TTN: variants seen among roughly 807,000 people sequenced by gnomAD.
TTN encodes the protein titin.
Under a neutral mutation model 3,223.0 loss-of-function variants are expected in TTN, and 1,525 were observed. The observed-to-expected ratio is 0.47, with a 90% CI of 0.45 to 0.49. The LOEUF (loss-of-function observed/expected upper bound fraction) is 0.49, where lower values mean the gene tolerates loss of function less well. Among genes scored for constraint, TTN ranks in the 20% least tolerant of loss-of-function variants. TTN has a pLI of 0.00. For missense variants in TTN, 40,786 were observed against 43,424.0 expected (o/e 0.94, Z 5.40); for synonymous variants, 14,094 against 15,161.0 (o/e 0.93, Z 5.17).
rs1474865067 is a variant in TTN at position 178,782,797 on chromosome 2, G to A, written c.3100+9C>T. The A allele has an allele frequency of 6.2e-7, 1 of 1,612,366 alleles. No homozygotes were observed. ...TGTGCATTAGGACTGTGGGAGGGTG[G>A]CCACTAACCCTGCACAGCCAGATAG... is the stretch of plus-strand genomic sequence containing the variant. On this transcript the variant is annotated intron_variant, in intron 18 of 362. Transcript: ENST00000589042.
At position 178,739,815 on chromosome 2, in the gene TTN, A is replaced by C; in HGVS notation, c.13418T>G (p.Leu4473Arg). The change falls in exon 48 of 363, where the codon CTT becomes CGT. Residue 4473 changes from leucine to arginine, a missense_variant. By Grantham distance (102) the Leu-to-Arg change is moderately radical (BLOSUM62 -2). Transcript: ENST00000589042. ...DPQMANLKME[L>R]RDALCAIIYE... is the part of the protein sequence containing the mutation. ...TATAATAGCACACAAAGCATCCCTA[A>C]GTTCCATTTTCAGGTTAGCCATTTG... 1 of 1,613,858 alleles carries C rather than the reference A, an allele frequency of 6.2e-7. No individual in the cohort carries two copies. Among genetic ancestry groups the C allele is most frequent in the Non-Finnish European group, 8.5e-7 (1 of 1,179,818 alleles).
In TTN at chr2:178,651,262, T is replaced by C. The variant is rs372356060; in HGVS notation, c.39606A>G (p.Pro13202=). ...ATGTACCTTTTGCTGGTGGGACTTC[T>C]GGCTTTTTGGGAACAGCTACTTTCT... is the stretch of plus-strand genomic sequence containing the variant. ...PEKKVAVPKK[P]EVPPAKVPEV... The change falls in exon 208 of 363, where the codon CCA becomes CCG. Residue 13202 remains proline (P), a synonymous_variant. Coordinates refer to ENST00000589042, the MANE Select transcript of TTN (RefSeq NM_001267550.2). The C allele has an allele frequency of 7.3e-5, 118 of 1,613,160 alleles. No homozygotes were observed. Among genetic ancestry groups the C allele is most frequent in the Non-Finnish European group, 9.4e-5 (111 of 1,179,478 alleles).
At position 178,568,278 on chromosome 2, in the gene TTN, CTT is replaced by C. The variant is rs1706720091; in HGVS notation, c.77852_77853del (p.Lys25951SerfsTer13). 6.2e-7 allele frequency: 1 copy of C among 1,613,382 alleles called. No individual in the cohort carries two copies. Among genetic ancestry groups the C allele is most frequent in the South Asian group, 1.1e-5 (1 of 91,078 alleles). On this transcript the variant is annotated frameshift_variant, in exon 326 of 363. Transcript: ENST00000589042. LOFTEE classifies it high-confidence loss of function. ...TCTGTACCAGTTTTCAGTTTGGTCACTTTGAGTGTAGTTCTAGCAACAGTAGC... is the reference window on the plus strand; with the variant it reads ...TCTGTACCAGTTTTCAGTTTGGTCACTGAGTGTAGTTCTAGCAACAGTAGC... The part of the protein sequence containing the change: ...VSATVARTTL[K>X]VTKLKTGTEY...
At chr2:178,626,947 C>T (rs1347766992) in intron 240 of TTN, among the ~76,000 whole-genome samples, 1 of 151,690 alleles carries the variant, frequency 6.6e-6, no homozygotes, top group East Asian at 1.9e-4. Flanking sequence ...ATACAATCTA[C>T]CTCCACTATG....
chr2:178,636,382 G>C lies in TTN; in HGVS notation c.41329+16C>G, dbSNP rs1262293420. 3.2e-6 allele frequency: 5 copies of C among 1,587,142 alleles called. No individual in the cohort carries two copies. In the African/African-American group the frequency reaches 4.1e-5, roughly 13 times the overall value. On this transcript the variant is annotated intron_variant, in intron 225 of 362. Coordinates refer to ENST00000589042, the MANE Select transcript of TTN (RefSeq NM_001267550.2). This position sits in a 1 kb window ranked among gnomAD's most constrained non-coding sequence, Gnocchi z 4.3. ...TAAAGTTTAATATAGATTATGTTCA[G>C]AAGACTAGAAATTACCTTCTACAAC...
chr2:178,675,080 C>T lies in TTN; in HGVS notation c.34571G>A (p.Arg11524Gln), dbSNP rs201622536. The change falls in exon 150 of 363, where the codon CGA (arginine) becomes CAA (glutamine). Residue 11524 changes from arginine to glutamine, a missense_variant. Coordinates refer to ENST00000589042, the MANE Select transcript of TTN (RefSeq NM_001267550.2). ...PEVPKKVEEK[R>Q]IILPKEEEVL... ...TTCCTCTTCTTTAGGGAGAATGATTCGTTTTTCTTCCACCTTCTTAGGCAC... is the reference window on the plus strand; with the variant it reads ...TTCCTCTTCTTTAGGGAGAATGATTTGTTTTTCTTCCACCTTCTTAGGCAC... 9.0e-5 allele frequency: 140 copies of T among 1,558,620 alleles called. No homozygotes were observed. The African/African-American group carries it at 1.2e-3, about 13-fold the overall frequency.
At position 178,775,124 on chromosome 2, in the gene TTN, C is replaced by T. The variant is rs878854326; in HGVS notation, c.6587G>A (p.Cys2196Tyr). 5 of 1,613,896 alleles carry T rather than the reference C, an allele frequency of 3.1e-6. No individual in the cohort carries two copies. The Admixed American group carries it at 6.7e-5, about 22-fold the overall frequency. The stretch of plus-strand genomic sequence containing the variant: ...TTTGACAAATGGTTCTGAAGTTTCA[C>T]ATTCAAAGGTTGCCATAGTGTCTTT... ...KEKDTMATFECETSEPFVKVK... is the reference protein window; with the variant it reads ...KEKDTMATFEYETSEPFVKVK... The change falls in exon 29 of 363, where the codon TGT (cysteine) becomes TAT (tyrosine). Residue 2196 changes from cysteine (C) to tyrosine (Y), a missense_variant. Coordinates refer to ENST00000589042, the MANE Select transcript of TTN (RefSeq NM_001267550.2).
At chr2:178,786,619 A>G (rs906270343) in intron 13 of TTN, among the ~76,000 whole-genome samples, 2 of 152,218 alleles carry the variant, frequency 1.3e-5, no homozygotes, top group Non-Finnish European at 2.9e-5. Context: ...CAGTGACTAC[A>G]GAGTTATATG....
chr2:178,728,471 G>C (rs777417927), intron 66 of TTN, 29 bp downstream of exon 66: 1 of 1,590,676 alleles, frequency 6.3e-7, no homozygotes, highest in Non-Finnish European at 8.6e-7. Context: ...CTATAAATAA[G>C]GGAAGCTGAC....
Position 178,646,107 on chromosome 2 carries a change from TATATA to T in TTN, c.40298-82_40298-78del, listed in dbSNP as rs1560056156. The T allele has an allele frequency of 1.5e-3, 130 of 85,284 alleles. 1 individual carries two copies. The highest frequency in any genetic ancestry group is 6.2e-3 in the African/African-American group (118 of 19,008). 5.3% of individuals were successfully genotyped at this position (85,284 alleles called of 1,614,324 possible). On this transcript the variant is annotated intron_variant, in intron 216 of 362. Transcript: ENST00000589042. ...TATGTAGTATATTTAATAGAAATTA[TATATA>T]TATATATATATATATATATATATAT...
At position 178,608,375 on chromosome 2, in the gene TTN, C is replaced by A; in HGVS notation, c.52508G>T (p.Gly17503Val). Reference protein sequence around the residue: ...EPKDNGSPILGYWLEKREVNS... With the variant: ...EPKDNGSPILVYWLEKREVNS... Reference sequence around the variant, plus strand: ...AACTTCACGTTTTTCAAGCCAGTAACCCAAAATGGGGCTTCCATTATCTTT... The same window carrying A: ...AACTTCACGTTTTTCAAGCCAGTAAACCAAAATGGGGCTTCCATTATCTTT... Residue 17503 changes from glycine to valine, a missense_variant, in exon 275 of 363, where the codon GGT (glycine) becomes GTT (valine). Physicochemically the swap from Gly to Val is moderately radical, Grantham distance 109 (BLOSUM62 -3). Coordinates refer to ENST00000589042, the MANE Select transcript of TTN (RefSeq NM_001267550.2). 4 of 1,611,740 alleles carry A rather than the reference C, an allele frequency of 2.5e-6. No individual in the cohort carries two copies. Among genetic ancestry groups the A allele is most frequent in the Non-Finnish European group, 3.4e-6 (4 of 1,178,850 alleles).
Position 178,554,459 on chromosome 2 carries a change from C to T in TTN, c.88888G>A (p.Ala29630Thr), listed in dbSNP as rs552018102. Residue 29630 changes from alanine (A) to threonine (T), a missense_variant, in exon 332 of 363, where the codon GCA becomes ACA. Ala to Thr is a moderately conservative substitution (Grantham distance 58, BLOSUM62 0). Coordinates refer to ENST00000589042, the MANE Select transcript of TTN (RefSeq NM_001267550.2). The part of the protein sequence containing the change: ...LESDSVVAKN[A>T]FVTPGPPGIP... Reference sequence around the variant, plus strand: ...TAATGAAATCATGTCTCACCAAATGCGTTCTTGGCTACAACGGAATCAGAT... The same window carrying T: ...TAATGAAATCATGTCTCACCAAATGTGTTCTTGGCTACAACGGAATCAGAT... The T allele has an allele frequency of 6.8e-6, 11 of 1,612,578 alleles. No individual in the cohort carries two copies. The highest frequency in any genetic ancestry group is 1.7e-5 in the Admixed American group (1 of 59,822).
chr2:178,729,757 A>C lies in TTN; in HGVS notation c.18496T>G (p.Ser6166Ala). The change falls in exon 63 of 363, where the codon TCT becomes GCT. Residue 6166 changes from serine (S) to alanine (A), a missense_variant. Physicochemically the swap from Ser to Ala is moderately conservative, Grantham distance 99 (BLOSUM62 1). Coordinates refer to ENST00000589042, the MANE Select transcript of TTN (RefSeq NM_001267550.2). ...FIDGLATFQI[S>A]GARVENSGTY... ...CCACTATTTTCTACCCTGGCACCAG[A>C]AATCTGGAAAGTGGCTAAACCATCA... 6.2e-7 allele frequency: 1 copy of C among 1,613,770 alleles called. No homozygotes were observed. Among genetic ancestry groups the C allele is most frequent in the African/African-American group, 1.3e-5 (1 of 75,032 alleles).
In TTN at chr2:178,739,430, G is replaced by C. The variant is rs2082097990; in HGVS notation, c.13803C>G (p.Ile4601Met). ...TATGTATCATGGGGCCATCCTCTTT[G>C]ATTAAGCCACCCTCAGCTTCCTGTA... The part of the protein sequence containing the change: ...VKIQEAEGGL[I>M]KEDGPMIHTP... The change falls in exon 48 of 363, where the codon ATC becomes ATG. Residue 4601 changes from isoleucine (I) to methionine (M), a missense_variant. Transcript: ENST00000589042. 1 of 1,613,756 alleles carries C rather than the reference G, an allele frequency of 6.2e-7. No individual in the cohort carries two copies. Among genetic ancestry groups the C allele is most frequent in the Non-Finnish European group, 8.5e-7 (1 of 1,179,806 alleles).
Position 178,579,411 on chromosome 2 carries a change from T to A in TTN, c.67637-18A>T. The stretch of plus-strand genomic sequence containing the variant: ...AGGAGCCACTGTAAAATAGCAGAGA[T>A]AAATTACTGTTATTTTTAAGGCCAG... On this transcript the variant is annotated intron_variant, in intron 319 of 362. Coordinates refer to ENST00000589042, the MANE Select transcript of TTN (RefSeq NM_001267550.2). The A allele has an allele frequency of 6.4e-7, 1 of 1,552,876 alleles. No homozygotes were observed. Among genetic ancestry groups the A allele is most frequent in the Middle Eastern group, 1.8e-4 (1 of 5,682 alleles).
In TTN at chr2:178,575,113, A is replaced by G. The variant is rs1709578919; in HGVS notation, c.71019T>C (p.Ile23673=). 1.2e-6 allele frequency: 2 copies of G among 1,612,890 alleles called. No homozygotes were observed. Residue 23673 remains isoleucine, a synonymous_variant, in exon 326 of 363, where the codon ATT becomes ATC. Transcript: ENST00000589042. The surrounding 1 kb of genome is among the most constrained non-coding windows in gnomAD (Gnocchi z 4.0). ...AATTAACTCTCTGTGTCTGTTTAAG[A>G]ATTTGGTCTCCTTTTTTCCATGTCA... The part of the protein sequence containing the change: ...PTVTWKKGDQ[I]LKQTQRVNFE...
Position 178,612,479 on chromosome 2 carries a change from G to T in TTN, c.50046C>A (p.Pro16682=), listed in dbSNP as rs2154200411. 6.2e-7 allele frequency: 1 copy of T among 1,612,150 alleles called. No individual in the cohort carries two copies. Among genetic ancestry groups the T allele is most frequent in the East Asian group, 2.2e-5 (1 of 44,540 alleles). Residue 16682 remains proline, a synonymous_variant, in exon 266 of 363, where the codon CCC becomes CCA. Coordinates refer to ENST00000589042, the MANE Select transcript of TTN (RefSeq NM_001267550.2). ...WTVPEKDGGS[P]ITNYIVEKRD... is the part of the protein sequence containing the mutation. Reference sequence around the variant, plus strand: ...TCTTTTCCACAATGTAGTTGGTGATGGGGGACCCTCCATCTTTCTCAGGAA... The same window carrying T: ...TCTTTTCCACAATGTAGTTGGTGATTGGGGACCCTCCATCTTTCTCAGGAA...
In TTN at chr2:178,715,229, C is replaced by T; in HGVS notation, c.25957G>A (p.Glu8653Lys). The T allele has an allele frequency of 6.2e-7, 1 of 1,610,204 alleles. No homozygotes were observed. Among genetic ancestry groups the T allele is most frequent in the Non-Finnish European group, 8.5e-7 (1 of 1,178,488 alleles). Residue 8653 changes from glutamate to lysine, a missense_variant, in exon 90 of 363, where the codon GAG (glutamate) becomes AAG (lysine). Transcript: ENST00000589042. ...PIFRKKPHPI[E>K]TLKGADVHLE... ...TGAACATCAGCTCCTTTCAGTGTCT[C>T]TATAGGATGAGGCTTTTTGCGGAAA... is the stretch of plus-strand genomic sequence containing the variant.
Position 178,594,128 on chromosome 2 carries a change from T to C in TTN, c.58265A>G (p.Lys19422Arg). The change falls in exon 297 of 363, where the codon AAA becomes AGA. Residue 19422 changes from lysine to arginine, a missense_variant. Lys to Arg is a conservative substitution (Grantham distance 26). Transcript: ENST00000589042. ...GKPKPKVSWF[K>R]DEADVLEDDR... is the part of the protein sequence containing the mutation. ...ATCTTCCAGCACATCAGCTTCATCT[T>C]TGAACCAGGAAACCTTAGGCTTTGG... is the stretch of plus-strand genomic sequence containing the variant. 1 of 1,613,428 alleles carries C rather than the reference T, an allele frequency of 6.2e-7. No individual in the cohort carries two copies. Among genetic ancestry groups the C allele is most frequent in the South Asian group, 1.1e-5 (1 of 91,068 alleles).
Sources: allele counts gnomAD v4.1 joint callset (sites outside exome capture counted in the v4.1 genomes callset), GRCh38; gene constraint gnomAD v4.1.1; non-coding constraint Gnocchi (gnomAD v3.1); transcripts MANE v1.5; gene names NCBI Gene and HGNC (gene_info 2026-07-23, HGNC 2026-07-21).